B4GALT5: variants seen among roughly 807,000 people sequenced by gnomAD.
B4GALT5 encodes the protein beta-1,4-galactosyltransferase 5.
In B4GALT5, 11 loss-of-function variants were observed where a neutral mutation model predicts 45.0. The observed-to-expected ratio is 0.24, with a 90% CI of 0.15 to 0.40. B4GALT5 has a LOEUF of 0.40. Among genes scored for constraint, B4GALT5 ranks in the 10% least tolerant of loss-of-function variants. The probability of loss-of-function intolerance (pLI) is 1.00; values close to 1 mark genes in which losing one functional copy is unlikely to be tolerated. For missense variants in B4GALT5, 337 were observed against 500.2 expected, an observed-to-expected ratio of 0.67 and a Z score of 3.11; for synonymous variants, 185 against 182.9, an observed-to-expected ratio of 1.01 and a Z score of -0.09.
chr20:49,640,379 T>C lies in B4GALT5; in HGVS notation c.794+99A>G, dbSNP rs550263923. ...CACATTTTGTTTATCCATCCATCAG[T>C]TGATGGGCATCTAGGTTGCAGCTAA... On this transcript the variant is annotated intron_variant, in intron 6 of 8. Transcript: ENST00000371711. 3.3e-4 allele frequency: 353 copies of C among 1,084,560 alleles called. 1 individual carries two copies. In the African/African-American group the frequency reaches 4.9e-3, roughly 15 times the overall value. The allele number at this position is 1,084,560 out of a possible 1,614,324, so 67.2% of individuals were successfully genotyped here.
intron 7 of B4GALT5, among the ~76,000 whole-genome samples, chr20:49,638,324 T>C (rs766488109): frequency 5.3e-5 from 8 of 152,208 alleles, no homozygotes; most frequent in Non-Finnish European, 1.0e-4. Context: ...AGCCTATCAT[T>C]TGAATTTTTA....
At chr20:49,644,186 C>T (rs780367842) in intron 3 of B4GALT5, among the ~76,000 whole-genome samples, 3 of 151,940 alleles carry the variant, frequency 2.0e-5, no homozygotes, top group South Asian at 4.2e-4. Context: ...CTGGGCCACC[C>T]AAAATGTTAG....
chr20:49,676,303 A>C (rs1012438256), intron 1 of B4GALT5, among the ~76,000 whole-genome samples: 1 of 152,202 alleles, frequency 6.6e-6, no homozygotes, highest in Non-Finnish European at 1.5e-5. Flanking sequence ...ACAACCTTCT[A>C]AATTCCCCCT....
intron 1 of B4GALT5, among the ~76,000 whole-genome samples, chr20:49,682,965 G>GC (rs1282075780): frequency 2.0e-5 from 3 of 151,944 alleles, no homozygotes; most frequent in Non-Finnish European, 4.4e-5. Flanking sequence ...ATGGTGGTGT[G>GC]CACCTGTAGT....
Position 49,643,523 on chromosome 20 carries a change from T to C in B4GALT5, c.489+3A>G. On this transcript the variant is annotated splice_donor_region_variant and intron_variant, in intron 4 of 8. Transcript: ENST00000371711. ...GCATTTTGGCTGTGACTTCACACCC[T>C]ACCTTCCACCGAGGCATGCAATCAG... 1 of 1,613,966 alleles carries C rather than the reference T, an allele frequency of 6.2e-7. No individual in the cohort carries two copies. Among genetic ancestry groups the C allele is most frequent in the Non-Finnish European group, 8.5e-7 (1 of 1,179,924 alleles).
In B4GALT5 at chr20:49,675,467, T is replaced by G. The variant is rs528741735; in HGVS notation, c.116-18765A>C. ...AAGAATCCTAACAGTACCTCCTAGT[T>G]CACTCAGAGGCCAATTAACATTTCC... is the stretch of plus-strand genomic sequence containing the variant. On this transcript the variant is annotated intron_variant, in intron 1 of 8. Transcript: ENST00000371711. Among the ~76,000 whole-genome samples, 9 of 152,304 alleles carry G rather than the reference T, an allele frequency of 5.9e-5. No individual in the cohort carries two copies. In the South Asian group the frequency reaches 1.9e-3, roughly 32 times the overall value.
At chr20:49,671,106 C>T (rs1200260090) in intron 1 of B4GALT5, among the ~76,000 whole-genome samples, 2 of 152,150 alleles carry the variant, frequency 1.3e-5, no homozygotes, top group East Asian at 1.9e-4. Flanking sequence ...AGGCCAGGCA[C>T]GGTGGCTCAT....
chr20:49,655,205 C>A (rs968051236), intron 2 of B4GALT5, among the ~76,000 whole-genome samples: 1 of 151,664 alleles, frequency 6.6e-6, no homozygotes, highest in Non-Finnish European at 1.5e-5. Context: ...CCGAGGCAGG[C>A]GGATCACCTG....
intron 1 of B4GALT5, among the ~76,000 whole-genome samples, chr20:49,664,421 TACACACACACACACACACACACACACAC>T (rs55990435): frequency 3.9e-5 from 5 of 128,822 alleles, no homozygotes; most frequent in African/African-American, 5.9e-5. Flanking sequence ...GGTCTCCAAA[TACACACACACACACACACACACACACAC>T]ACACACACAC....
chr20:49,680,503 CA>C (rs1293763177), intron 1 of B4GALT5, among the ~76,000 whole-genome samples: 3 of 152,148 alleles, frequency 2.0e-5, no homozygotes, highest in East Asian at 3.8e-4. Context: ...TGCCAGAACA[CA>C]AAAGTACAAA....
At chr20:49,698,469 C>T (rs1289675446) in intron 1 of B4GALT5, among the ~76,000 whole-genome samples, 1 of 152,144 alleles carries the variant, frequency 6.6e-6, no homozygotes, top group Non-Finnish European at 1.5e-5. Flanking sequence ...AAATAAATCC[C>T]AATCTTCTAA....
In B4GALT5 at chr20:49,701,318, C is replaced by T. The variant is rs1372725684; in HGVS notation, c.115+12258G>A. Among the ~76,000 whole-genome samples the T allele has an allele frequency of 4.6e-5, 7 of 152,086 alleles. No individual in the cohort carries two copies. The East Asian group carries it at 1.3e-3, about 29-fold the overall frequency. On this transcript the variant is annotated intron_variant, in intron 1 of 8. Coordinates refer to ENST00000371711, the MANE Select transcript of B4GALT5 (RefSeq NM_004776.4). ...TTTATCACTCACATTTAGATAAATA[C>T]ATTTGCAGTTCAGCTGATATCAGAA...
chr20:49,648,698 G>A (rs1185208508), intron 2 of B4GALT5, among the ~76,000 whole-genome samples: 1 of 152,170 alleles, frequency 6.6e-6, no homozygotes, highest in Admixed American at 6.5e-5. Flanking sequence ...TTAGAGTCAC[G>A]TTAGTGGATA....
intron 3 of B4GALT5, among the ~76,000 whole-genome samples, chr20:49,644,804 G>T (rs1414488664): frequency 6.6e-6 from 1 of 152,132 alleles, no homozygotes; most frequent in Non-Finnish European, 1.5e-5. Flanking sequence ...ATATATGGAT[G>T]AGAATATGTT....
intron 7 of B4GALT5, among the ~76,000 whole-genome samples, chr20:49,638,603 G>T (rs1441877280): frequency 6.6e-6 from 1 of 152,086 alleles, no homozygotes; most frequent in African/African-American, 2.4e-5. Context: ...CAATGAAATG[G>T]GCATTTAGTA....
rs1227379722 is a variant in B4GALT5, at chr20:49,656,657, C to T, written c.161G>A (p.Arg54Gln). The T allele has an allele frequency of 1.2e-6, 2 of 1,613,994 alleles. No individual in the cohort carries two copies. The highest frequency in any genetic ancestry group is 1.3e-5 in the African/African-American group (1 of 74,902). ...FMMQAQGILI[R>Q]DNVRTIGAQV... The stretch of plus-strand genomic sequence containing the variant: ...AGCACCGATTGTTCTCACGTTGTCC[C>T]GGATCAGAATGCCTTGGGCTTGCAT... The change falls in exon 2 of 9, where the codon CGG (arginine) becomes CAG (glutamine). Residue 54 changes from arginine to glutamine, a missense_variant. By Grantham distance (43) the Arg-to-Gln change is conservative. Transcript: ENST00000371711.
chr20:49,692,244 C>G (rs2085816504), intron 1 of B4GALT5, among the ~76,000 whole-genome samples: 1 of 151,530 alleles, frequency 6.6e-6, no homozygotes, highest in Non-Finnish European at 1.5e-5. Flanking sequence ...AAGCCTTTCA[C>G]TCCCATCCAA....
chr20:49,674,689 TAA>T (rs543351878), intron 1 of B4GALT5, among the ~76,000 whole-genome samples: 1 of 142,220 alleles, frequency 7.0e-6, no homozygotes. Flanking sequence ...CCATCCCTAT[TAA>T]AAAAAAAAAA....
At chr20:49,650,389 T>A (rs901251033) in intron 2 of B4GALT5, among the ~76,000 whole-genome samples, 16 of 146,856 alleles carry the variant, frequency 1.1e-4, no homozygotes, top group Non-Finnish European at 1.5e-4. Flanking sequence ...AAGGCCAAGG[T>A]GGGGTGCTCA....
Sources: allele counts gnomAD v4.1 joint callset (sites outside exome capture counted in the v4.1 genomes callset), GRCh38; gene constraint gnomAD v4.1.1; transcripts MANE v1.5; gene names NCBI Gene and HGNC (gene_info 2026-07-23, HGNC 2026-07-21).